The following NIN variants were observed in gnomAD, a reference collection of about 807,000 sequenced individuals.
NIN encodes glycogen synthase kinase 3 beta-interacting protein.
Under a neutral mutation model 257.6 loss-of-function variants are expected in NIN, and 137 were observed. That is an observed-to-expected ratio of 0.53 (90% CI 0.46 to 0.61). The LOEUF (loss-of-function observed/expected upper bound fraction) is 0.61. NIN is among the 20% of genes least tolerant of loss of function. NIN has a pLI of 0.00. For missense variants in NIN, 2,439 were observed against 2,501.2 expected, an observed-to-expected ratio of 0.98 and a Z score of 0.53; for synonymous variants, 918 against 919.8, an observed-to-expected ratio of 1.00 and a Z score of 0.04.
chr14:50,778,545 C>T (rs1048860202), intron 6 of NIN, among the ~76,000 whole-genome samples: 2 of 152,174 alleles, frequency 1.3e-5, no homozygotes, highest in African/African-American at 4.8e-5. Context: ...GAGAAATTAG[C>T]CCGTAAGTAA....
intron 4 of NIN, among the ~76,000 whole-genome samples, chr14:50,802,163 A>G (rs1566862739): frequency 6.6e-6 from 1 of 152,348 alleles, no homozygotes; most frequent in South Asian, 2.1e-4. Context: ...GATTGTACAC[A>G]TAGATATGAA....
At chr14:50,737,646 GTTTTTTTT>G (rs35662853) in intron 27 of NIN, among the ~76,000 whole-genome samples, 3 of 137,042 alleles carry the variant, frequency 2.2e-5, no homozygotes, top group South Asian at 2.4e-4. Context: ...TTTTGTTGTT[GTTTTTTTT>G]TTTTTTTTTT....
At chr14:50,765,022 CA>C (rs1172833655) in intron 14 of NIN, among the ~76,000 whole-genome samples, 1 of 130,984 alleles carries the variant, frequency 7.6e-6, no homozygotes, top group Non-Finnish European at 1.6e-5. Context: ...GTCAGGAGTT[CA>C]AGACCAGCCT....
At chr14:50,815,047 T>A (rs530749749) in intron 3 of NIN, among the ~76,000 whole-genome samples, 1 of 152,216 alleles carries the variant, frequency 6.6e-6, no homozygotes, top group African/African-American at 2.4e-5. Context: ...AAATGAGATC[T>A]AATTAAACTA....
chr14:50,813,055 C>T (rs1484190068), intron 3 of NIN, among the ~76,000 whole-genome samples: 1 of 152,124 alleles, frequency 6.6e-6, no homozygotes, highest in Admixed American at 6.5e-5. Flanking sequence ...GTGGAGGAGG[C>T]GACCGCTATT....
chr14:50,786,002 T>G (rs1004173162), intron 5 of NIN, among the ~76,000 whole-genome samples: 1 of 152,166 alleles, frequency 6.6e-6, no homozygotes, highest in African/African-American at 2.4e-5. Flanking sequence ...TACAAGTGCA[T>G]GCGGGGGATG....
intron 12 of NIN, 83 bp from the exon 13 acceptor site, chr14:50,766,973 A>G: frequency 1.1e-6 from 1 of 870,776 alleles, no homozygotes; most frequent in Non-Finnish European, 1.9e-6. Flanking sequence ...AGCATAAATC[A>G]GTACCGTAGA....
At chr14:50,766,511 G>C in intron 13 of NIN, 115 bp from the exon 14 acceptor site, 1 of 911,308 alleles carries the variant, frequency 1.1e-6, no homozygotes. Context: ...ATAGGAATGT[G>C]ACATGTAAGC....
chr14:50,800,637 G>T (rs1207744258), intron 4 of NIN, among the ~76,000 whole-genome samples: 2 of 152,122 alleles, frequency 1.3e-5, no homozygotes, highest in East Asian at 3.8e-4. Context: ...ATTATCTTAG[G>T]TAATCCTAGA....
chr14:50,776,382 C>A (rs908215613), intron 7 of NIN, among the ~76,000 whole-genome samples: 12 of 152,120 alleles, frequency 7.9e-5, no homozygotes, highest in Non-Finnish European at 1.3e-4. Context: ...TTCTCATGAC[C>A]AGAATATTGT....
At chr14:50,816,036 T>C (rs1164395716) in intron 3 of NIN, among the ~76,000 whole-genome samples, 1 of 152,132 alleles carries the variant, frequency 6.6e-6, no homozygotes. Flanking sequence ...AACAAAATCA[T>C]GTCCTTTGCA....
Position 50,758,451 on chromosome 14 carries a change from A to C in NIN, c.2579T>G (p.Phe860Cys). 6.2e-7 allele frequency: 1 copy of C among 1,614,054 alleles called. No homozygotes were observed. The highest frequency in any genetic ancestry group is 8.5e-7 in the Non-Finnish European group (1 of 1,179,998). Residue 860 changes from phenylalanine to cysteine, a missense_variant, in exon 18 of 31, where the codon TTT becomes TGT. Phe to Cys is a radical substitution (Grantham distance 205, BLOSUM62 -2). Around this residue, in one of 3 missense-constraint regions of NIN, gnomAD observed 2,043 missense variants for 2,050.2 expected, o/e 1.00. Coordinates refer to ENST00000530997, the MANE Select transcript of NIN (RefSeq NM_020921.4). Reference protein sequence around the residue: ...QQREEKSQWEFEKDELTQECA... With the variant: ...QQREEKSQWECEKDELTQECA... The stretch of plus-strand genomic sequence containing the variant: ...CTCCTGGGTGAGCTCGTCCTTCTCA[A>C]ATTCCCACTGGGATTTCTCCTCACG...
At chr14:50,743,385 C>T (rs764928512) in intron 24 of NIN, 31 bp downstream of exon 24, 55 of 1,335,846 alleles carry the variant, frequency 4.1e-5, no homozygotes, top group Non-Finnish European at 5.5e-5. Context: ...GAATACTAAC[C>T]GTGAAGATGA....
intron 3 of NIN, among the ~76,000 whole-genome samples, chr14:50,821,255 C>T (rs765505307): frequency 6.6e-6 from 1 of 152,230 alleles, no homozygotes; most frequent in Admixed American, 6.5e-5. Context: ...AAAAGACCCT[C>T]TCTCACTTCT....
At chr14:50,803,355 A>C (rs2044180294) in intron 4 of NIN, among the ~76,000 whole-genome samples, 1 of 152,226 alleles carries the variant, frequency 6.6e-6, no homozygotes, top group Non-Finnish European at 1.5e-5. Flanking sequence ...TCCATCTCAA[A>C]AAAACAAAAA....
In NIN at chr14:50,754,602, A is replaced by G; in HGVS notation, c.4695T>C (p.Asn1565=). The change falls in exon 20 of 31, where the codon AAT becomes AAC. Residue 1565 remains asparagine, a synonymous_variant. Transcript: ENST00000530997. ...WQKTETVKQE[N]AAVQKMVENL... ...TTTCAACCATCTTCTGAACTGCAGC[A>G]TTTTCTTGTTTTACAGTTTCCGTTT... The G allele has an allele frequency of 6.2e-7, 1 of 1,611,228 alleles. No individual in the cohort carries two copies. The highest frequency in any genetic ancestry group is 1.3e-5 in the African/African-American group (1 of 74,928).
chr14:50,746,797 G>A (rs751318612), intron 22 of NIN, among the ~76,000 whole-genome samples: 4 of 152,210 alleles, frequency 2.6e-5, no homozygotes, highest in Non-Finnish European at 5.9e-5. Flanking sequence ...TTCTCCATGA[G>A]AGGACATAAT....
At chr14:50,743,386 G>T in intron 24 of NIN, 30 bp downstream of exon 24, 1 of 1,347,978 alleles carries the variant, frequency 7.4e-7, no homozygotes, top group Non-Finnish European at 1.1e-6. Flanking sequence ...AATACTAACC[G>T]TGAAGATGAA....
At chr14:50,799,640 A>G (rs943155682) in intron 4 of NIN, among the ~76,000 whole-genome samples, 34 of 152,180 alleles carry the variant, frequency 2.2e-4, no homozygotes, top group African/African-American at 8.2e-4. Flanking sequence ...TTCCCTGTAG[A>G]AAACCGTCAT....
Sources: gnomAD v4.1 joint callset for allele counts (sites outside exome capture counted in the v4.1 genomes callset) on GRCh38, gnomAD v4.1.1 for gene constraint, gnomAD v4.1.1 regional missense constraint, MANE v1.5 for transcripts, NCBI Gene and HGNC (gene_info 2026-07-23, HGNC 2026-07-21) for gene names.